Variants in GIT2 observed in about 807,000 individuals in gnomAD.
The protein encoded by GIT2 is GIT ArfGAP 2, also known as ARF GTPase-activating protein GIT2.
GIT2 carries 32 observed loss-of-function variants against 100.3 expected under a neutral mutation model. The ratio of observed to expected loss-of-function variants is 0.32; its 90% confidence interval spans 0.24 to 0.43. GIT2 has a LOEUF of 0.43. Among genes scored for constraint, GIT2 ranks in the 20% least tolerant of loss-of-function variants. The pLI is 1.00. For missense variants in GIT2, 737 were observed against 975.1 expected (o/e 0.76, Z 3.25); for synonymous variants, 353 against 364.1 (o/e 0.97, Z 0.35).
intron 4 of GIT2, among the ~76,000 whole-genome samples, chr12:109,986,874 T>G (rs1294434741): frequency 2.0e-5 from 3 of 148,434 alleles, no homozygotes; most frequent in Non-Finnish European, 4.5e-5. Context: ...GGAGAATCAC[T>G]TGAACCTGGG....
chr12:109,969,683 A>T (rs1267954427), intron 7 of GIT2, among the ~76,000 whole-genome samples: 16 of 151,982 alleles, frequency 1.1e-4, no homozygotes, highest in Admixed American at 1.0e-3. Flanking sequence ...AAGTACTAGG[A>T]TTACAGGCGT....
chr12:109,957,914 A>G (rs937823409), intron 12 of GIT2, among the ~76,000 whole-genome samples: 1 of 152,110 alleles, frequency 6.6e-6, no homozygotes, highest in Non-Finnish European at 1.5e-5. Flanking sequence ...ATCAAAGAGC[A>G]GGTATTTTTT....
chr12:109,938,085 CT>C (rs1213168324), intron 18 of GIT2, among the ~76,000 whole-genome samples: 1 of 152,062 alleles, frequency 6.6e-6, no homozygotes, highest in East Asian at 1.9e-4. Context: ...AAGGTAGCCC[CT>C]GTCCCCCTCC....
chr12:109,963,359 T>G (rs1462258635), intron 9 of GIT2, among the ~76,000 whole-genome samples: 1 of 152,204 alleles, frequency 6.6e-6, no homozygotes, highest in Non-Finnish European at 1.5e-5. Flanking sequence ...AGTTTCTTCC[T>G]CCATGGGACT....
chr12:109,988,736 C>T (rs1429761442), intron 4 of GIT2, among the ~76,000 whole-genome samples: 2 of 151,548 alleles, frequency 1.3e-5, no homozygotes, highest in East Asian at 3.9e-4. Flanking sequence ...GCCTGTAATC[C>T]CAGCTACCTA....
intron 10 of GIT2, 88 bp from the exon 11 acceptor site, chr12:109,961,463 A>T (rs931269133): frequency 2.1e-6 from 2 of 971,500 alleles, no homozygotes; most frequent in African/African-American, 3.2e-5. Context: ...TACGAGGGGA[A>T]ACACACTCTG....
chr12:109,993,489 G>A (rs938781769), intron 1 of GIT2, among the ~76,000 whole-genome samples: 3 of 152,162 alleles, frequency 2.0e-5, no homozygotes, highest in Non-Finnish European at 4.4e-5. Context: ...CTAGAGACAA[G>A]GAGTTCAGGG....
Position 109,965,519 on chromosome 12 carries a change from T to C in GIT2, c.816+7A>G. On this transcript the variant is annotated splice_region_variant and intron_variant, in intron 9 of 19. Transcript: ENST00000355312. ...ACTAGAGAAAACCAGTACAGAGAAA[T>C]ACTCACAGATTGAAGTTTCTTCTTA... 1.3e-6 allele frequency: 2 copies of C among 1,553,316 alleles called. No individual in the cohort carries two copies. Among genetic ancestry groups the C allele is most frequent in the Non-Finnish European group, 1.8e-6 (2 of 1,127,376 alleles).
At chr12:109,953,066 C>A in intron 13 of GIT2, 26 bp downstream of exon 13, 2 of 1,612,926 alleles carry the variant, frequency 1.2e-6, no homozygotes, top group Non-Finnish European at 8.5e-7. Flanking sequence ...CGTGCTTGCC[C>A]TTCCATGGGA....
Position 109,932,699 on chromosome 12 carries a change from A to C in GIT2, c.*279T>G. 1 of 291,154 alleles carries C rather than the reference A, an allele frequency of 3.4e-6. No individual in the cohort carries two copies. The highest frequency in any genetic ancestry group is 6.4e-6 in the Non-Finnish European group (1 of 155,246). The allele number at this position is 291,154 out of a possible 1,614,324, so 18.0% of individuals were successfully genotyped here. On this transcript the variant is annotated 3_prime_UTR_variant, in exon 20 of 20. Coordinates refer to ENST00000355312, the MANE Select transcript of GIT2 (RefSeq NM_057169.5). Reference sequence around the variant, plus strand: ...AAGTTTTCACAAACTTTAGACAATGAAACTATACTTTTGGATGTATGTGAT... The same window carrying C: ...AAGTTTTCACAAACTTTAGACAATGCAACTATACTTTTGGATGTATGTGAT...
chr12:109,948,762 AATT>A lies in GIT2; in HGVS notation c.1393-1261_1393-1259del. 1.9e-6 allele frequency: 3 copies of A among 1,577,048 alleles called. No homozygotes were observed. Among genetic ancestry groups the A allele is most frequent in the Non-Finnish European group, 2.6e-6 (3 of 1,167,108 alleles). On this transcript the variant is annotated intron_variant, in intron 14 of 19. Coordinates refer to ENST00000355312, the MANE Select transcript of GIT2 (RefSeq NM_057169.5). The surrounding 1 kb of genome is among the most constrained non-coding windows in gnomAD (Gnocchi z 4.3). ...CCATTCAATGTTAGGAGTTACTTTC[AATT>A]TTTATTTAGAAAGCACCAATCTGTG...
intron 4 of GIT2, among the ~76,000 whole-genome samples, chr12:109,987,768 A>C (rs1183773472): frequency 6.6e-6 from 1 of 152,182 alleles, no homozygotes; most frequent in Non-Finnish European, 1.5e-5. Context: ...GCACCCGGCC[A>C]AAAAGTAATA....
upstream of GIT2, chr12:109,999,581 C>G: frequency 2.2e-6 from 2 of 925,400 alleles, no homozygotes; most frequent in Non-Finnish European, 3.0e-6. The surrounding 1 kb of genome is among the most constrained non-coding windows in gnomAD (Gnocchi z 4.3). Flanking sequence ...GTAACACGCC[C>G]TACGCTCGCT....
At chr12:109,967,609 T>G (rs952930037) in intron 7 of GIT2, 106 bp from the exon 8 acceptor site, 8 of 809,622 alleles carry the variant, frequency 9.9e-6, no homozygotes, top group Non-Finnish European at 1.3e-5. Flanking sequence ...TTAGTATTTG[T>G]GCATAATGAC....
Position 109,967,453 on chromosome 12 carries a change from C to T in GIT2, c.764+5G>A, listed in dbSNP as rs1277189143. 6.3e-7 allele frequency: 1 copy of T among 1,585,408 alleles called. No individual in the cohort carries two copies. On this transcript the variant is annotated splice_donor_5th_base_variant and intron_variant, in intron 8 of 19. Transcript: ENST00000355312. ...CAAAACTAACTGGTATTTCAATGAGCTTACCTGTCTGCCATTTGAGGTATT... is the reference window on the plus strand; with the variant it reads ...CAAAACTAACTGGTATTTCAATGAGTTTACCTGTCTGCCATTTGAGGTATT...
chr12:109,942,120 T>C (rs1874929900), intron 16 of GIT2, among the ~76,000 whole-genome samples: 1 of 152,220 alleles, frequency 6.6e-6, no homozygotes, highest in Non-Finnish European at 1.5e-5. Context: ...CCACCACACC[T>C]GGCCCCAACT....
At chr12:109,950,289 T>C (rs1258126731) in intron 14 of GIT2, among the ~76,000 whole-genome samples, 1 of 152,228 alleles carries the variant, frequency 6.6e-6, no homozygotes, top group Non-Finnish European at 1.5e-5. Flanking sequence ...TGAAAATGAT[T>C]TGAAAACCTT....
intron 9 of GIT2, 74 bp from the exon 10 acceptor site, chr12:109,961,759 G>C (rs1262080111): frequency 5.7e-6 from 5 of 874,154 alleles, no homozygotes; most frequent in Non-Finnish European, 9.7e-6. Flanking sequence ...CTGCGACTTA[G>C]TCACCCTTTT....
In GIT2 at chr12:109,945,277, C is replaced by T. The variant is rs2136220924; in HGVS notation, c.1714G>A (p.Asp572Asn). The T allele has an allele frequency of 6.4e-7, 1 of 1,563,022 alleles. No homozygotes were observed. The highest frequency in any genetic ancestry group is 1.1e-5 in the South Asian group (1 of 89,890). Residue 572 changes from aspartate (D) to asparagine (N), a missense_variant, in exon 16 of 20, where the codon GAC becomes AAC. Physicochemically the swap from Asp to Asn is conservative, Grantham distance 23 (BLOSUM62 1). Around this residue, in one of 3 missense-constraint regions of GIT2, gnomAD observed 451 missense variants for 543.7 expected, o/e 0.83. Transcript: ENST00000355312. ...SFPSTLSWSR[D>N]ESARRASRLE... is the part of the protein sequence containing the mutation. ...TACTTAACCCTTCGGGCGCTTTCGT[C>T]CCTCGACCAGGAAAGTGTGGAGGGG...
Sources: gnomAD v4.1 joint callset for allele counts (sites outside exome capture counted in the v4.1 genomes callset) on GRCh38, gnomAD v4.1.1 for gene constraint, gnomAD v4.1.1 regional missense constraint, Gnocchi (gnomAD v3.1) non-coding constraint, MANE v1.5 for transcripts, NCBI Gene and HGNC (gene_info 2026-07-23, HGNC 2026-07-21) for gene names.